The following HSPA12A variants were observed in gnomAD, a reference collection of about 807,000 sequenced individuals.
The protein encoded by HSPA12A is heat shock 70 kDa protein 12A.
HSPA12A carries 28 observed loss-of-function variants against 69.2 expected under a neutral mutation model. The observed-to-expected ratio is 0.40, with a 90% CI of 0.30 to 0.55. The LOEUF is 0.55. HSPA12A is among the 20% of genes least tolerant of loss of function. The pLI is 0.38. For missense variants in HSPA12A, 686 were observed against 900.7 expected (o/e 0.76, Z 3.05); for synonymous variants, 345 against 370.5 (o/e 0.93, Z 0.79).
At chr10:116,798,774 A>C (rs1208849388) in intron 2 of HSPA12A, among the ~76,000 whole-genome samples, 1 of 152,240 alleles carries the variant, frequency 6.6e-6, no homozygotes, top group Non-Finnish European at 1.5e-5. Flanking sequence ...AAAGAATAAA[A>C]TAATAAATCC....
intron 6 of HSPA12A, among the ~76,000 whole-genome samples, chr10:116,684,999 G>T (rs888361788): frequency 2.0e-5 from 3 of 152,146 alleles, no homozygotes; most frequent in African/African-American, 7.2e-5. Flanking sequence ...GGCCCCACTT[G>T]CTTCTGGAAA....
chr10:116,740,676 CTGTGTGTGTGTGTGTGTGTGCGTGT>C (rs1851469347), intron 1 of HSPA12A, among the ~76,000 whole-genome samples: 2 of 92,164 alleles, frequency 2.2e-5, no homozygotes, highest in African/African-American at 4.3e-5. Context: ...GTGTGTGTGT[CTGTGTGTGTGTGTGTGTGTGCGTGT>C]GTGTGTGTGT....
chr10:116,794,066 G>A (rs1844761511), intron 2 of HSPA12A, among the ~76,000 whole-genome samples: 1 of 152,022 alleles, frequency 6.6e-6, no homozygotes, highest in African/African-American at 2.4e-5. Flanking sequence ...AGCCAGGCGT[G>A]GTGGTGGGCG....
chr10:116,756,666 T>C (rs1843858288), intron 2 of HSPA12A, among the ~76,000 whole-genome samples: 1 of 152,240 alleles, frequency 6.6e-6, no homozygotes, highest in African/African-American at 2.4e-5. Context: ...GCTCAGACTT[T>C]GCAAACCGTT....
chr10:116,757,697 G>C (rs1843881996), intron 2 of HSPA12A, among the ~76,000 whole-genome samples: 1 of 152,200 alleles, frequency 6.6e-6, no homozygotes, highest in African/African-American at 2.4e-5. Context: ...CCTTGGTTTG[G>C]TCACCTGTAA....
chr10:116,742,290 C>A, intron 1 of HSPA12A, 140 bp downstream of exon 1: 1 of 943,958 alleles, frequency 1.1e-6, no homozygotes, highest in South Asian at 2.7e-5. Flanking sequence ...TGACCCCGGC[C>A]CCGCCCGCCA....
chr10:116,827,677 G>A (rs1033931525), intron 2 of HSPA12A: 1 of 152,418 alleles, frequency 6.6e-6, no homozygotes, highest in Middle Eastern at 3.4e-3. Flanking sequence ...TCAGTTTGAA[G>A]GCAGATGTGG....
At chr10:116,835,391 C>T (rs1049069576) in intron 1 of HSPA12A, 1 of 152,878 alleles carries the variant, frequency 6.5e-6, no homozygotes, top group East Asian at 1.9e-4. Flanking sequence ...GAACGAGGCC[C>T]GGTTCTTTCT....
chr10:116,821,598 G>C (rs1381705846), intron 2 of HSPA12A, among the ~76,000 whole-genome samples: 1 of 152,236 alleles, frequency 6.6e-6, no homozygotes, highest in East Asian at 1.9e-4. Flanking sequence ...CCCCATGAGG[G>C]CAGGGATTTG....
chr10:116,706,967 A>G (rs1554882516), intron 2 of HSPA12A, among the ~76,000 whole-genome samples: 2 of 152,194 alleles, frequency 1.3e-5, no homozygotes, highest in African/African-American at 4.8e-5. Flanking sequence ...CACTAGCCAC[A>G]GCACAGAAAG....
At chr10:116,728,568 C>T (rs1851050844) in intron 1 of HSPA12A, among the ~76,000 whole-genome samples, 1 of 152,126 alleles carries the variant, frequency 6.6e-6, no homozygotes, top group Non-Finnish European at 1.5e-5. Context: ...ATGAACTAGT[C>T]CAAAGTGGGG....
intron 2 of HSPA12A, among the ~76,000 whole-genome samples, chr10:116,794,639 C>G (rs1279607187): frequency 6.6e-6 from 1 of 152,062 alleles, no homozygotes; most frequent in Non-Finnish European, 1.5e-5. Flanking sequence ...ATACTGAAAC[C>G]CCATTTTTAT....
chr10:116,726,027 G>GCACGCACACA (rs1554884973), intron 1 of HSPA12A, among the ~76,000 whole-genome samples: 2 of 146,114 alleles, frequency 1.4e-5, no homozygotes, highest in African/African-American at 2.6e-5. Flanking sequence ...ACACACACAC[G>GCACGCACACA]CACACACACA....
chr10:116,849,647 C>T (rs1845995375), exon 1 of HSPA12A: 1 of 1,550,164 alleles, frequency 6.5e-7, no homozygotes, highest in South Asian at 1.2e-5. Flanking sequence ...TGGAGTACTA[C>T]CGGGAGAACG....
chr10:116,832,228 C>T (rs1845631191), intron 2 of HSPA12A: 2 of 152,072 alleles, frequency 1.3e-5, no homozygotes, highest in African/African-American at 4.8e-5. Context: ...AGTGCAGTGA[C>T]ATGATCTTGG....
intron 2 of HSPA12A, among the ~76,000 whole-genome samples, chr10:116,819,829 A>G (rs186803210): frequency 5.7e-4 from 86 of 152,130 alleles, no homozygotes; most frequent in African/African-American, 2.0e-3. Context: ...AACTTATAGG[A>G]TTTTTTGGTT....
At chr10:116,850,022 C>T (rs954297376), upstream of HSPA12A, 17 of 557,500 alleles carry the variant, frequency 3.0e-5, no homozygotes, top group Middle Eastern at 2.7e-4. Context: ...TCCTCGCTGC[C>T]TAAGAGGCCT....
chr10:116,680,190 A>G (rs1237617503), intron 9 of HSPA12A, among the ~76,000 whole-genome samples: 1 of 152,050 alleles, frequency 6.6e-6, no homozygotes, highest in Non-Finnish European at 1.5e-5. Context: ...GGATTTTGCC[A>G]TGTTGGCCAG....
intron 2 of HSPA12A, among the ~76,000 whole-genome samples, chr10:116,761,418 G>A (rs558585677): frequency 2.9e-4 from 44 of 150,694 alleles, no homozygotes; most frequent in African/African-American, 9.3e-4. Flanking sequence ...TCTGGGAGAC[G>A]GAGATTGCAG....
Sources: gnomAD v4.1 joint callset for allele counts (sites outside exome capture counted in the v4.1 genomes callset) on GRCh38, gnomAD v4.1.1 for gene constraint, MANE v1.5 for transcripts, NCBI Gene and HGNC (gene_info 2026-07-23, HGNC 2026-07-21) for gene names.